Variants in TIAM1 observed in about 807,000 individuals in gnomAD.
The protein encoded by TIAM1 is rho guanine nucleotide exchange factor TIAM1.
Under a neutral mutation model 163.5 loss-of-function variants are expected in TIAM1, and 65 were observed. The ratio of observed to expected loss-of-function variants is 0.40; its 90% CI spans 0.33 to 0.49. TIAM1 has a LOEUF of 0.49. Among genes scored for constraint, TIAM1 ranks in the 20% least tolerant of loss-of-function variants. The probability of loss-of-function intolerance (pLI) is 0.77; values close to 1 mark genes in which losing one functional copy is unlikely to be tolerated. For synonymous variants in TIAM1, 833 were observed against 810.1 expected (o/e 1.03, Z -0.48); for missense variants, 1,789 against 2,044.7 (o/e 0.87, Z 2.41).
rs772663989 is a variant in TIAM1 at position 31,210,041 on chromosome 21, A to G, written c.2388+4T>C. The G allele has an allele frequency of 2.5e-6, 4 of 1,613,118 alleles. No individual in the cohort carries two copies. The highest frequency in any genetic ancestry group is 1.3e-5 in the African/African-American group (1 of 75,014). The stretch of plus-strand genomic sequence containing the variant: ...TGGAGAAACAACCCAAAGCAGCTCC[A>G]TACCTTGCAAATCAGCTCCAGGGTG... On this transcript the variant is annotated splice_donor_region_variant and intron_variant, in intron 11 of 27. Coordinates refer to ENST00000541036, the MANE Select transcript of TIAM1 (RefSeq NM_001353694.2).
intron 1 of TIAM1, among the ~76,000 whole-genome samples, chr21:31,533,636 G>A (rs2048036964): frequency 6.6e-6 from 1 of 152,166 alleles, no homozygotes; most frequent in South Asian, 2.1e-4. Context: ...GGGAGGCTGA[G>A]GTGGCAGGAT....
chr21:31,186,327 G>A (rs537607554), intron 14 of TIAM1, among the ~76,000 whole-genome samples: 14 of 152,330 alleles, frequency 9.2e-5, no homozygotes, highest in Middle Eastern at 3.4e-3. Context: ...TGCAGGCTCA[G>A]GCAATAGCCA....
Position 31,371,681 on chromosome 21 carries a change from A to G in TIAM1, c.-368-32259T>C, listed in dbSNP as rs1210270747. ...TGTTTAATGGACCACTCTAAGAGGA[A>G]TGACCGTTGATGAGGTCTCCTGGCA... is the stretch of plus-strand genomic sequence containing the variant. On this transcript the variant is annotated intron_variant, in intron 2 of 28. Coordinates refer to the TIAM1 transcript ENST00000286827. 2.0e-5 allele frequency among the ~76,000 whole-genome samples: 3 copies of G among 152,232 alleles called. No individual in the cohort carries two copies. The South Asian group carries it at 6.2e-4, about 31-fold the overall frequency.
intron 4 of TIAM1, among the ~76,000 whole-genome samples, chr21:31,261,388 G>A (rs2072466030): frequency 1.3e-5 from 2 of 151,628 alleles, no homozygotes; most frequent in Non-Finnish European, 2.9e-5. Flanking sequence ...GGAAGAAAAG[G>A]CCCTCCTTGA....
At chr21:31,363,741 A>T (rs1328978036) in intron 2 of TIAM1, among the ~76,000 whole-genome samples, 1 of 152,142 alleles carries the variant, frequency 6.6e-6, no homozygotes, top group Non-Finnish European at 1.5e-5. Context: ...TTAAAAATGG[A>T]GCAGCTGCAG....
At chr21:31,398,499 T>C (rs1260274835) in intron 2 of TIAM1, among the ~76,000 whole-genome samples, 1 of 152,246 alleles carries the variant, frequency 6.6e-6, no homozygotes, top group East Asian at 1.9e-4. Flanking sequence ...CCCACATCTT[T>C]TGTATTCTCC....
chr21:31,440,218 C>T (rs894677474), intron 2 of TIAM1, among the ~76,000 whole-genome samples: 6 of 152,130 alleles, frequency 3.9e-5, no homozygotes, highest in Admixed American at 3.9e-4. Context: ...TTGCCAGCAG[C>T]GTAGCAACTG....
chr21:31,186,406 C>A (rs987945885), intron 14 of TIAM1, among the ~76,000 whole-genome samples: 1 of 152,020 alleles, frequency 6.6e-6, no homozygotes, highest in African/African-American at 2.4e-5. Flanking sequence ...CCAGGAAGAA[C>A]CCCCCCAGGA....
Position 31,447,550 on chromosome 21 carries a change from G to A in TIAM1, c.-369+16433C>T, listed in dbSNP as rs142210585. Among the ~76,000 whole-genome samples, 193 of 152,236 alleles carry A rather than the reference G, an allele frequency of 1.3e-3. 1 individual carries two copies. The highest frequency in any genetic ancestry group is 4.5e-3 in the African/African-American group (189 of 41,550). Reference sequence around the variant, plus strand: ...AAGATCAATAAATTAGAATAAAGGAGGAAAAATATGAGAGTGATCTGAATG... The same window carrying A: ...AAGATCAATAAATTAGAATAAAGGAAGAAAAATATGAGAGTGATCTGAATG... On this transcript the variant is annotated intron_variant, in intron 2 of 28. Coordinates refer to the TIAM1 transcript ENST00000286827.
chr21:31,550,119 G>A (rs993339529), intron 1 of TIAM1, among the ~76,000 whole-genome samples: 8 of 149,304 alleles, frequency 5.4e-5, no homozygotes, highest in East Asian at 2.0e-4. Context: ...GAGAGATTCC[G>A]TCTCAAAAGA....
Position 31,141,644 on chromosome 21 carries a change from TA to T in TIAM1, c.3476-141del. On this transcript the variant is annotated intron_variant, in intron 20 of 27. Coordinates refer to ENST00000541036, the MANE Select transcript of TIAM1 (RefSeq NM_001353694.2). This position sits in a 1 kb window ranked among gnomAD's most constrained non-coding sequence, Gnocchi z 4.7. ...AGTGGGTGGCAGGAAGAGGGACAGG[TA>T]GGGGAGGGGGCAGTCAGGGAGACCA... The T allele has an allele frequency of 1.1e-6, 1 of 895,962 alleles. No individual in the cohort carries two copies. The allele number at this position is 895,962 out of a possible 1,614,324, so 55.5% of individuals were successfully genotyped here. A position where few individuals can be genotyped will look rare whatever the true frequency, so the allele number is the denominator to read the frequency against.
chr21:31,464,373 G>A (rs938442175), intron 1 of TIAM1, among the ~76,000 whole-genome samples: 4 of 152,144 alleles, frequency 2.6e-5, no homozygotes, highest in South Asian at 2.1e-4. Context: ...CACAAGATGA[G>A]TAATACGTTT....
intron 4 of TIAM1, among the ~76,000 whole-genome samples, 170 bp from the exon 5 acceptor site, chr21:31,252,359 C>A (rs1264641971): frequency 6.6e-6 from 1 of 152,138 alleles, no homozygotes; most frequent in Non-Finnish European, 1.5e-5. Flanking sequence ...ACCCTGGACC[C>A]GCACAGACCC....
At chr21:31,425,519 T>C (rs1379277495) in intron 2 of TIAM1, among the ~76,000 whole-genome samples, 2 of 152,030 alleles carry the variant, frequency 1.3e-5, no homozygotes, top group Non-Finnish European at 2.9e-5. Flanking sequence ...TCTGTGATTC[T>C]GGTTTAGTTG....
intron 1 of TIAM1, among the ~76,000 whole-genome samples, chr21:31,480,836 C>T (rs191687834): frequency 2.0e-5 from 3 of 152,180 alleles, no homozygotes; most frequent in East Asian, 1.9e-4. Flanking sequence ...TTACTGCAAC[C>T]TCCGTCTCCC....
chr21:31,500,269 C>T (rs1035073238), intron 1 of TIAM1, among the ~76,000 whole-genome samples: 10 of 152,190 alleles, frequency 6.6e-5, no homozygotes, highest in African/African-American at 2.4e-4. Flanking sequence ...GATTCGGGCC[C>T]AGCTCTTCAC....
intron 26 of TIAM1, among the ~76,000 whole-genome samples, chr21:31,125,144 C>G (rs1171197488): frequency 6.6e-6 from 1 of 151,598 alleles, no homozygotes; most frequent in Non-Finnish European, 1.5e-5. Flanking sequence ...ATCAATGGTT[C>G]CCATGACACA....
At chr21:31,274,914 G>C (rs900034523) in intron 3 of TIAM1, among the ~76,000 whole-genome samples, 1 of 147,748 alleles carries the variant, frequency 6.8e-6, no homozygotes, top group East Asian at 2.0e-4. Flanking sequence ...TTTGAGACTA[G>C]TCTGGCCAGT....
intron 13 of TIAM1, among the ~76,000 whole-genome samples, chr21:31,192,170 G>A (rs1398763373): frequency 6.6e-6 from 1 of 152,156 alleles, no homozygotes; most frequent in Non-Finnish European, 1.5e-5. Flanking sequence ...TAACGCAAGT[G>A]GCCAGGGTTC....
Sources: allele counts gnomAD v4.1 joint callset (sites outside exome capture counted in the v4.1 genomes callset), GRCh38; gene constraint gnomAD v4.1.1; non-coding constraint Gnocchi (gnomAD v3.1); transcripts MANE v1.5; gene names NCBI Gene and HGNC (gene_info 2026-07-23, HGNC 2026-07-21).